GRIK1: variants seen among roughly 807,000 people sequenced by gnomAD.
GRIK1 encodes the protein glutamate ionotropic receptor kainate type subunit 1.
In GRIK1, 69 loss-of-function variants were observed where a neutral mutation model predicts 105.7. That is an observed-to-expected ratio of 0.65 (90% CI 0.54 to 0.80). The LOEUF (loss-of-function observed/expected upper bound fraction) is 0.80, where lower values mean the gene tolerates loss of function less well. GRIK1 is among the 30% of genes least tolerant of loss of function. The pLI is 0.00. For synonymous variants in GRIK1, 438 were observed against 431.3 expected (o/e 1.02, Z -0.19); for missense variants, 1,109 against 1,167.3 (o/e 0.95, Z 0.73).
At chr21:29,699,244 G>T (rs1341176578) in intron 1 of GRIK1, among the ~76,000 whole-genome samples, 2 of 152,190 alleles carry the variant, frequency 1.3e-5, no homozygotes, top group African/African-American at 4.8e-5. Context: ...AAATTTATAT[G>T]TTGCAGGCCT....
At chr21:29,726,917 T>C (rs531809521) in intron 1 of GRIK1, among the ~76,000 whole-genome samples, 24 of 151,466 alleles carry the variant, frequency 1.6e-4, no homozygotes, top group Non-Finnish European at 3.2e-4. Flanking sequence ...TTTATATTTA[T>C]TTTTATTTAT....
At chr21:29,553,526 G>T in intron 16 of GRIK1, 2 of 1,502,560 alleles carry the variant, frequency 1.3e-6, no homozygotes, top group Non-Finnish European at 8.9e-7. Context: ...TTTCTACTGG[G>T]CACATCTTTT....
At chr21:29,800,810 T>C (rs541733313) in intron 1 of GRIK1, among the ~76,000 whole-genome samples, 1 of 152,262 alleles carries the variant, frequency 6.6e-6, no homozygotes, top group Admixed American at 6.5e-5. Flanking sequence ...GAACAAAAAA[T>C]GGTAAGACCC....
chr21:29,877,145 T>C (rs2069220337), intron 1 of GRIK1, among the ~76,000 whole-genome samples: 2 of 152,140 alleles, frequency 1.3e-5, no homozygotes. Context: ...GCTTTTACAA[T>C]AAAAAGCAGT....
chr21:29,779,122 A>G (rs462079), intron 1 of GRIK1, among the ~76,000 whole-genome samples: 106,872 of 152,118 alleles, frequency 0.7, 38,777 homozygotes, highest in Middle Eastern at 0.81. Context: ...CTGAAAAGAA[A>G]CAGAAATGTT....
intron 1 of GRIK1, among the ~76,000 whole-genome samples, chr21:29,874,391 T>C (rs569618425): frequency 2.1e-4 from 32 of 152,338 alleles, no homozygotes; most frequent in African/African-American, 7.2e-4. Context: ...GATGACTTCC[T>C]TGTTACCTAG....
chr21:29,798,748 GT>G (rs1310665393), intron 1 of GRIK1, among the ~76,000 whole-genome samples: 1 of 152,176 alleles, frequency 6.6e-6, no homozygotes, highest in African/African-American at 2.4e-5. Flanking sequence ...GCCTCTTTGG[GT>G]TGCTCAAAGC....
intron 9 of GRIK1, 94 bp from the exon 10 acceptor site, chr21:29,591,319 G>T (rs184225904): frequency 2.4e-5 from 19 of 801,076 alleles, no homozygotes; most frequent in African/African-American, 8.4e-5. Context: ...GGGCACAAAA[G>T]CTCACAGTTT....
intron 1 of GRIK1, among the ~76,000 whole-genome samples, chr21:29,860,810 C>T (rs1207303470): frequency 2.6e-5 from 4 of 152,154 alleles, no homozygotes; most frequent in African/African-American, 9.7e-5. Flanking sequence ...CCACTAGCCT[C>T]ATGTGGCTTT....
intron 1 of GRIK1, among the ~76,000 whole-genome samples, chr21:29,775,275 CAAA>C (rs66647707): frequency 1.7e-4 from 13 of 74,718 alleles, no homozygotes; most frequent in African/African-American, 3.4e-4. Flanking sequence ...GCCTCTGTCT[CAAA>C]AAAAAAAAAA....
intron 1 of GRIK1, among the ~76,000 whole-genome samples, chr21:29,805,674 G>A (rs536399526): frequency 6.6e-6 from 1 of 152,164 alleles, no homozygotes; most frequent in African/African-American, 2.4e-5. Context: ...AGTGTATATA[G>A]GAGAGTACTA....
intron 1 of GRIK1, among the ~76,000 whole-genome samples, chr21:29,911,792 C>A (rs79357966): frequency 0.032 from 4,793 of 152,134 alleles, 103 homozygotes; most frequent in South Asian, 0.074. Context: ...GGGCTCTTCC[C>A]AGACACCAGT....
intron 1 of GRIK1, among the ~76,000 whole-genome samples, chr21:29,906,591 CTTTTGG>C (rs2070649225): frequency 6.6e-6 from 1 of 151,942 alleles, no homozygotes; most frequent in Non-Finnish European, 1.5e-5. Flanking sequence ...ATTCATCTAG[CTTTTGG>C]TTTATAGGCT....
chr21:29,556,057 C>A (rs556185842), intron 15 of GRIK1, among the ~76,000 whole-genome samples: 1 of 152,312 alleles, frequency 6.6e-6, no homozygotes, highest in South Asian at 2.1e-4. Flanking sequence ...CGACCTTAGA[C>A]TGGTTCTGGT....
chr21:29,858,310 C>A (rs114124922), intron 1 of GRIK1, among the ~76,000 whole-genome samples: 2 of 152,310 alleles, frequency 1.3e-5, no homozygotes, highest in African/African-American at 4.8e-5. Flanking sequence ...AGGCTGGATT[C>A]TTCAATAGTG....
chr21:29,848,497 T>C (rs1256458964), intron 1 of GRIK1, among the ~76,000 whole-genome samples: 1 of 152,118 alleles, frequency 6.6e-6, no homozygotes, highest in Non-Finnish European at 1.5e-5. Context: ...CTATCACTTT[T>C]GTGTCTAAGC....
chr21:29,926,285 T>C (rs982402020), intron 1 of GRIK1, among the ~76,000 whole-genome samples: 18 of 152,190 alleles, frequency 1.2e-4, no homozygotes, highest in Non-Finnish European at 2.2e-4. Flanking sequence ...CATCTCAAAA[T>C]TCTCTACAAC....
At chr21:29,662,703 G>A (rs2062988037) in intron 4 of GRIK1, among the ~76,000 whole-genome samples, 1 of 152,090 alleles carries the variant, frequency 6.6e-6, no homozygotes, top group Admixed American at 6.6e-5. Context: ...GTCTTCATGA[G>A]TCTGGGGCCT....
chr21:29,684,580 G>A (rs760685524), intron 3 of GRIK1, among the ~76,000 whole-genome samples: 4 of 151,864 alleles, frequency 2.6e-5, no homozygotes, highest in East Asian at 3.9e-4. Flanking sequence ...CGATCTTGGC[G>A]CACTGCAAGC....
Sources: allele counts gnomAD v4.1 joint callset (sites outside exome capture counted in the v4.1 genomes callset), GRCh38; gene constraint gnomAD v4.1.1; transcripts MANE v1.5; gene names NCBI Gene and HGNC (gene_info 2026-07-23, HGNC 2026-07-21).